Variants in TTC34 observed in about 807,000 individuals in gnomAD.
The protein encoded by TTC34 is tetratricopeptide repeat protein 34.
In TTC34, 44 loss-of-function variants were observed where a neutral mutation model predicts 40.7. That is an observed-to-expected ratio of 1.08 (90% CI 0.85 to 1.39). The LOEUF (loss-of-function observed/expected upper bound fraction) is 1.39. Among genes scored for constraint, TTC34 ranks in the 40% most tolerant of loss-of-function variants. TTC34 has a pLI of 0.00. For synonymous variants in TTC34, 422 were observed against 398.6 expected, an observed-to-expected ratio of 1.06 and a Z score of -0.70; for missense variants, 884 against 838.0, an observed-to-expected ratio of 1.05 and a Z score of -0.68.
At position 2,695,716 on chromosome 1, in the gene TTC34, C is replaced by A. The variant is rs369061945; in HGVS notation, c.2227-50153G>T. ...TGACAGCCTGGAACAGCACCCACAC[C>A]CCCAGGTGAGCAGCTGAAATCCTGG... On this transcript the variant is annotated intron_variant, in intron 6 of 8. Coordinates refer to ENST00000401095, the Ensembl canonical transcript of TTC34. Among the ~76,000 whole-genome samples the A allele has an allele frequency of 6.3e-3, 46 of 7,344 alleles. 3 individuals are homozygous for A. In the East Asian group the frequency reaches 0.12, roughly 19 times the overall value. The allele number at this position is 7,344 out of a possible 152,430, so 4.8% of individuals were successfully genotyped here.
intron 6 of TTC34, among the ~76,000 whole-genome samples, chr1:2,759,799 C>CCCCCAGGCGAGCA (rs1641633823): frequency 5.0e-5 from 7 of 140,060 alleles, no homozygotes; most frequent in Non-Finnish European, 6.1e-5. Flanking sequence ...AGTACCCACA[C>CCCCCAGGCGAGCA]TCCCAGGCGA....
At chr1:2,773,088 G>C (rs2100541902) in intron 6 of TTC34, among the ~76,000 whole-genome samples, 1 of 150,940 alleles carries the variant, frequency 6.6e-6, no homozygotes, top group East Asian at 2.0e-4. Flanking sequence ...GCCTGGAGCA[G>C]CACCCACACC....
chr1:2,700,412 C>A (rs76865796), intron 6 of TTC34, among the ~76,000 whole-genome samples: 5 of 109,218 alleles, frequency 4.6e-5, no homozygotes, highest in Non-Finnish European at 8.8e-5. Context: ...AGCACCCACA[C>A]CCCTAGGCGA....
In TTC34 at chr1:2,792,206, C is replaced by A. The variant is rs116744225; in HGVS notation, c.785-1860G>T. On this transcript the variant is annotated intron_variant, in intron 2 of 8. Transcript: ENST00000401095. ...TGGAGTTGGAGTCTCACTTTGTCACCCAGGGTGGTCTTGAACTTCTGGGCC... is the reference window on the plus strand; with the variant it reads ...TGGAGTTGGAGTCTCACTTTGTCACACAGGGTGGTCTTGAACTTCTGGGCC... 3.2e-3 allele frequency among the ~76,000 whole-genome samples: 481 copies of A among 151,382 alleles called. 1 individual carries two copies. Among genetic ancestry groups the A allele is most frequent in the African/African-American group, 0.011 (453 of 41,298 alleles).
At chr1:2,769,501 C>A (rs1208001689) in intron 6 of TTC34, among the ~76,000 whole-genome samples, 1 of 96,054 alleles carries the variant, frequency 1.0e-5, no homozygotes, top group African/African-American at 5.2e-5. Flanking sequence ...TGGAACAGCA[C>A]CCCACACCCC....
At chr1:2,755,588 G>A (rs1641476856) in intron 6 of TTC34, among the ~76,000 whole-genome samples, 1 of 117,616 alleles carries the variant, frequency 8.5e-6, no homozygotes, top group Admixed American at 8.7e-5. Context: ...CACACCTCCC[G>A]GCGAGCATCC....
chr1:2,784,488 G>C (rs1258692012), intron 5 of TTC34, among the ~76,000 whole-genome samples: 1 of 152,106 alleles, frequency 6.6e-6, no homozygotes, highest in Non-Finnish European at 1.5e-5. Context: ...TGGTGGAGCA[G>C]AGTGTTCCCT....
intron 6 of TTC34, among the ~76,000 whole-genome samples, chr1:2,682,071 A>T (rs1225190093): frequency 3.9e-5 from 4 of 103,310 alleles, no homozygotes; most frequent in Admixed American, 1.8e-4. Flanking sequence ...CCACACCCAC[A>T]GGTGAGCATC....
chr1:2,683,125 T>G (rs377650155), intron 6 of TTC34, among the ~76,000 whole-genome samples: 6 of 39,588 alleles, frequency 1.5e-4, no homozygotes, highest in South Asian at 8.6e-4. Flanking sequence ...AGGTGAGCAT[T>G]TGACAGCCTG....
chr1:2,648,697 GA>G lies in TTC34; in HGVS notation c.2227-3135del, dbSNP rs1160789516. On this transcript the variant is annotated intron_variant, in intron 6 of 8. Transcript: ENST00000401095. ...GGGGAGCATCTTACAGCCTGGAATA[GA>G]ACCCCACACCCACAGGTGAGCATCT... Among the ~76,000 whole-genome samples, 5 of 147,224 alleles carry G rather than the reference GA, an allele frequency of 3.4e-5. No homozygotes were observed. The East Asian group carries it at 8.2e-4, about 24-fold the overall frequency.
chr1:2,789,459 C>T (rs968489069), intron 3 of TTC34, 44 bp downstream of exon 3: 114 of 1,486,818 alleles, frequency 7.7e-5, no homozygotes, highest in Non-Finnish European at 9.9e-5. Context: ...TCGAAGGAGA[C>T]CCGCAGGAAG....
intron 2 of TTC34, among the ~76,000 whole-genome samples, chr1:2,791,606 C>T (rs1233670330): frequency 6.6e-6 from 1 of 152,174 alleles, no homozygotes; most frequent in East Asian, 1.9e-4. Flanking sequence ...ATGCAAGCAG[C>T]CACAAGGTCA....
At chr1:2,767,507 G>A (rs1331021597) in intron 6 of TTC34, among the ~76,000 whole-genome samples, 4 of 146,182 alleles carry the variant, frequency 2.7e-5, no homozygotes, top group Non-Finnish European at 6.0e-5. Context: ...CTGACAGCCT[G>A]GAACAGAACC....
intron 6 of TTC34, among the ~76,000 whole-genome samples, chr1:2,761,978 C>T (rs1292959389): frequency 2.1e-5 from 1 of 48,046 alleles, no homozygotes; most frequent in Non-Finnish European, 3.5e-5. Context: ...CAACCTTAGG[C>T]GAGCATCTGA....
chr1:2,685,516 C>T (rs564169811), intron 6 of TTC34, among the ~76,000 whole-genome samples: 3 of 117,452 alleles, frequency 2.6e-5, no homozygotes, highest in South Asian at 2.9e-4. Context: ...GCAGCACCCA[C>T]AGACCAAGGT....
chr1:2,687,595 C>A (rs1298019665), intron 6 of TTC34, among the ~76,000 whole-genome samples: 2 of 145,000 alleles, frequency 1.4e-5, no homozygotes, highest in African/African-American at 5.5e-5. Flanking sequence ...CAGCCTGGAA[C>A]AGCACCCACA....
chr1:2,683,690 G>C (rs1284604421), intron 6 of TTC34, among the ~76,000 whole-genome samples: 5 of 146,474 alleles, frequency 3.4e-5, no homozygotes, highest in African/African-American at 1.3e-4. Context: ...GTGACGATCT[G>C]ACAGCCTGGA....
intron 5 of TTC34, 70 bp downstream of exon 5, chr1:2,785,749 G>A: frequency 6.8e-7 from 1 of 1,467,754 alleles, no homozygotes; most frequent in Non-Finnish European, 9.1e-7. Context: ...CAACCAGCAT[G>A]GCAGAGACTC....
At chr1:2,773,156 C>T (rs1238507151) in intron 6 of TTC34, among the ~76,000 whole-genome samples, 2 of 137,396 alleles carry the variant, frequency 1.5e-5, no homozygotes. Flanking sequence ...GAGCATCTGA[C>T]AGCCTGGAGC....
Sources: allele counts gnomAD v4.1 joint callset (sites outside exome capture counted in the v4.1 genomes callset), GRCh38; gene constraint gnomAD v4.1.1; transcripts MANE v1.5; gene names NCBI Gene and HGNC (gene_info 2026-07-23, HGNC 2026-07-21).